The following ATF7 variants were observed in gnomAD, a reference collection of about 807,000 sequenced individuals.
The protein encoded by ATF7 is cyclic AMP-dependent transcription factor ATF-7.
In ATF7, 10 loss-of-function variants were observed where a neutral mutation model predicts 50.4. The observed-to-expected ratio is 0.20, with a 90% CI of 0.12 to 0.34. ATF7 has a LOEUF of 0.34. Ranked by LOEUF, ATF7 falls within the 10% of genes least tolerant of loss-of-function variation. ATF7 has a pLI of 1.00. For synonymous variants in ATF7, 201 were observed against 226.4 expected, an observed-to-expected ratio of 0.89 and a Z score of 1.01; for missense variants, 465 against 613.9, an observed-to-expected ratio of 0.76 and a Z score of 2.56.
At chr12:53,604,726 A>G (rs1943534747) in intron 1 of ATF7, among the ~76,000 whole-genome samples, 1 of 152,224 alleles carries the variant, frequency 6.6e-6, no homozygotes, top group Non-Finnish European at 1.5e-5. Context: ...ACTGCTAGGT[A>G]CAAAAAAATT....
At chr12:53,605,576 A>G (rs1943569529) in intron 1 of ATF7, among the ~76,000 whole-genome samples, 2 of 152,188 alleles carry the variant, frequency 1.3e-5, no homozygotes, top group Non-Finnish European at 2.9e-5. Context: ...TGAGACAGAT[A>G]TGATTTCTGC....
intron 1 of ATF7, among the ~76,000 whole-genome samples, chr12:53,604,343 C>A (rs1048927400): frequency 6.6e-6 from 1 of 151,992 alleles, no homozygotes; most frequent in Non-Finnish European, 1.5e-5. Flanking sequence ...GAAGAAAACC[C>A]AAGATTTAGA....
chr12:53,566,052 T>G (rs1382043831), intron 2 of ATF7, among the ~76,000 whole-genome samples: 1 of 152,100 alleles, frequency 6.6e-6, no homozygotes. Flanking sequence ...AACCATCAGA[T>G]CTAGTGAGAT....
intron 1 of ATF7, among the ~76,000 whole-genome samples, chr12:53,622,596 G>A (rs1944433179): frequency 6.6e-6 from 1 of 151,338 alleles, no homozygotes; most frequent in Admixed American, 6.6e-5. Context: ...ACTCCAGCCA[G>A]GGCAAAAGCG....
chr12:53,539,919 A>T (rs1939439284), intron 4 of ATF7, among the ~76,000 whole-genome samples: 1 of 151,216 alleles, frequency 6.6e-6, no homozygotes, highest in Admixed American at 6.6e-5. Flanking sequence ...TAAATGCAAA[A>T]ATTAGCTGGG....
chr12:53,510,332 C>T (rs1277620048), downstream of ATF7, among the ~76,000 whole-genome samples: 2 of 152,236 alleles, frequency 1.3e-5, no homozygotes, highest in Non-Finnish European at 2.9e-5. Context: ...AGCCATTGCA[C>T]CCGGCCAGTT....
At chr12:53,560,814 G>A (rs1176478938) in intron 2 of ATF7, among the ~76,000 whole-genome samples, 1 of 152,150 alleles carries the variant, frequency 6.6e-6, no homozygotes, top group African/African-American at 2.4e-5. Context: ...ATTTGTGATA[G>A]TCTGAAAAGT....
At chr12:53,563,882 A>G (rs1036131537) in intron 2 of ATF7, among the ~76,000 whole-genome samples, 4 of 152,234 alleles carry the variant, frequency 2.6e-5, no homozygotes, top group African/African-American at 9.6e-5. Context: ...TCACTGTTCA[A>G]ATCAGTGAGA....
At chr12:53,596,090 G>C (rs1943139076) in intron 2 of ATF7, among the ~76,000 whole-genome samples, 1 of 152,126 alleles carries the variant, frequency 6.6e-6, no homozygotes, top group Non-Finnish European at 1.5e-5. Flanking sequence ...CCTCCAGTCA[G>C]GAGTTCGAGA....
chr12:53,564,993 C>T (rs1941368757), intron 2 of ATF7, among the ~76,000 whole-genome samples: 2 of 151,174 alleles, frequency 1.3e-5, no homozygotes, highest in Admixed American at 6.6e-5. Context: ...AAAGATTGTA[C>T]ACCTCTGTTT....
At chr12:53,587,844 T>TATATATA (rs1491300296) in intron 2 of ATF7, among the ~76,000 whole-genome samples, 103 of 40,736 alleles carry the variant, frequency 2.5e-3, no homozygotes, top group East Asian at 3.8e-3. Context: ...TATATATATA[T>TATATATA]TTTTTTTTTT....
rs1939103858 is a variant in ATF7 at position 53,534,495 on chromosome 12, T to A, written c.560+7A>T. 6.2e-7 allele frequency: 1 copy of A among 1,613,674 alleles called. No homozygotes were observed. The highest frequency in any genetic ancestry group is 1.3e-5 in the African/African-American group (1 of 74,908). The stretch of plus-strand genomic sequence containing the variant: ...CTTCACTACTTCTCCCTGCTCTCTG[T>A]ACTTACCCCATTTGCCTGTTGGATG... On this transcript the variant is annotated splice_region_variant and intron_variant, in intron 6 of 11. Coordinates refer to ENST00000420353, the MANE Select transcript of ATF7 (RefSeq NM_006856.3).
At chr12:53,528,797 A>T (rs1938662952) in intron 9 of ATF7, among the ~76,000 whole-genome samples, 1 of 152,070 alleles carries the variant, frequency 6.6e-6, no homozygotes, top group Admixed American at 6.5e-5. Context: ...ACAAAAGAAA[A>T]GAAAAAATTA....
chr12:53,596,083 C>T (rs1943138598), intron 2 of ATF7, among the ~76,000 whole-genome samples: 1 of 152,050 alleles, frequency 6.6e-6, no homozygotes, highest in Non-Finnish European at 1.5e-5. Context: ...CAGATCACCT[C>T]CAGTCAGGAG....
At chr12:53,615,588 T>TA (rs2137909660) in intron 1 of ATF7, among the ~76,000 whole-genome samples, 2 of 152,058 alleles carry the variant, frequency 1.3e-5, no homozygotes, top group South Asian at 4.2e-4. Flanking sequence ...ATAATATAGT[T>TA]AGGGGCTGGA....
At chr12:53,620,228 C>T (rs1944318557) in intron 1 of ATF7, among the ~76,000 whole-genome samples, 1 of 151,604 alleles carries the variant, frequency 6.6e-6, no homozygotes, top group Non-Finnish European at 1.5e-5. Flanking sequence ...CACTTGAGGT[C>T]AGGAGTTCAA....
At chr12:53,592,951 A>G (rs531218119) in intron 2 of ATF7, among the ~76,000 whole-genome samples, 1 of 152,346 alleles carries the variant, frequency 6.6e-6, no homozygotes, top group South Asian at 2.1e-4. Flanking sequence ...AAGTTTTTAG[A>G]CATAACCAAA....
chr12:53,596,288 G>A (rs1381867828), intron 2 of ATF7, among the ~76,000 whole-genome samples: 4 of 152,188 alleles, frequency 2.6e-5, no homozygotes, highest in African/African-American at 7.2e-5. Context: ...CGATAAGAGC[G>A]AAACTCCATC....
chr12:53,564,103 C>T (rs1941306351), intron 2 of ATF7, among the ~76,000 whole-genome samples: 1 of 152,192 alleles, frequency 6.6e-6, no homozygotes, highest in Non-Finnish European at 1.5e-5. Context: ...AGGCCAGATA[C>T]AGTGGCTTAT....
Sources: allele counts gnomAD v4.1 joint callset (sites outside exome capture counted in the v4.1 genomes callset), GRCh38; gene constraint gnomAD v4.1.1; transcripts MANE v1.5; gene names NCBI Gene and HGNC (gene_info 2026-07-23, HGNC 2026-07-21).